The following CDH12 variants were observed in gnomAD, a reference collection of about 807,000 sequenced individuals.
CDH12 encodes cadherin-12.
CDH12 carries 41 observed loss-of-function variants against 74.1 expected under a neutral mutation model. The ratio of observed to expected loss-of-function variants is 0.55; its 90% confidence interval spans 0.43 to 0.72. The LOEUF (loss-of-function observed/expected upper bound fraction) is 0.72, where lower values mean the gene tolerates loss of function less well. Among genes scored for constraint, CDH12 ranks in the 30% least tolerant of loss-of-function variants. The probability of loss-of-function intolerance (pLI) is 0.00; values close to 1 mark genes in which losing one functional copy is unlikely to be tolerated. For missense variants in CDH12, 945 were observed against 977.2 expected, an observed-to-expected ratio of 0.97 and a Z score of 0.44; for synonymous variants, 399 against 355.0, an observed-to-expected ratio of 1.12 and a Z score of -1.39.
intron 6 of CDH12, among the ~76,000 whole-genome samples, chr5:21,887,366 CTATAACAAATTTAATAT>C (rs1297063106): frequency 1.3e-5 from 2 of 152,100 alleles, no homozygotes; most frequent in Non-Finnish European, 2.9e-5. Context: ...AATATCAAAG[CTATAACAAATTTAATAT>C]TATAAGAAAG....
chr5:21,989,858 C>A (rs2547640), intron 5 of CDH12, among the ~76,000 whole-genome samples: 13 of 149,558 alleles, frequency 8.7e-5, no homozygotes, highest in African/African-American at 2.7e-4. Flanking sequence ...GTTTTAGATA[C>A]TACTAATTCT....
chr5:22,845,145 G>A (rs1480308829), intron 1 of CDH12, among the ~76,000 whole-genome samples: 2 of 151,932 alleles, frequency 1.3e-5, no homozygotes, highest in African/African-American at 4.8e-5. Flanking sequence ...ATATTATTTT[G>A]CCTTAAGTTG....
At chr5:22,207,743 A>C (rs961917293) in intron 4 of CDH12, among the ~76,000 whole-genome samples, 9 of 152,186 alleles carry the variant, frequency 5.9e-5, no homozygotes, top group African/African-American at 1.9e-4. Flanking sequence ...CAGGACCCCC[A>C]AAAATAGTAT....
intron 3 of CDH12, among the ~76,000 whole-genome samples, chr5:22,385,295 T>A (rs1741951727): frequency 1.3e-5 from 2 of 152,202 alleles, no homozygotes; most frequent in Admixed American, 1.3e-4. Context: ...GACACAGATC[T>A]TTCTAAATAG....
intron 8 of CDH12, among the ~76,000 whole-genome samples, chr5:21,829,679 G>T (rs1748894786): frequency 6.6e-6 from 1 of 152,134 alleles, no homozygotes; most frequent in Non-Finnish European, 1.5e-5. Context: ...AATAAATGGT[G>T]ACTTTAGGAT....
At chr5:21,809,562 G>A (rs899991578) in intron 9 of CDH12, among the ~76,000 whole-genome samples, 2 of 152,004 alleles carry the variant, frequency 1.3e-5, no homozygotes, top group African/African-American at 4.8e-5. Context: ...TTCCTTCTTT[G>A]AGCTTCAGCT....
chr5:21,792,292 A>T (rs1561188719), intron 10 of CDH12, among the ~76,000 whole-genome samples: 1 of 151,900 alleles, frequency 6.6e-6, no homozygotes, highest in East Asian at 1.9e-4. Flanking sequence ...CTACTTTCCT[A>T]TCAATTTCTC....
rs569597056 is a variant in CDH12, at chr5:22,185,948, A to C, written c.-187+26550T>G. Among the ~76,000 whole-genome samples the C allele has an allele frequency of 2.6e-5, 4 of 152,332 alleles. No homozygotes were observed. In the South Asian group the frequency reaches 8.3e-4, roughly 32 times the overall value. ...GGACTTCATCATAACCAGTAGGAGAACCTGGTCAAATTAAGCACATTTGTG... is the reference window on the plus strand; with the variant it reads ...GGACTTCATCATAACCAGTAGGAGACCCTGGTCAAATTAAGCACATTTGTG... On this transcript the variant is annotated intron_variant, in intron 4 of 14. Transcript: ENST00000382254.
intron 1 of CDH12, among the ~76,000 whole-genome samples, chr5:22,641,128 G>A (rs1013218056): frequency 6.6e-6 from 1 of 152,096 alleles, no homozygotes; most frequent in African/African-American, 2.4e-5. Flanking sequence ...TGACTCACTT[G>A]ATTATGGAGG....
At chr5:22,488,936 C>A (rs763248402) in intron 2 of CDH12, among the ~76,000 whole-genome samples, 1 of 151,460 alleles carries the variant, frequency 6.6e-6, no homozygotes, top group Non-Finnish European at 1.5e-5. Flanking sequence ...TAATGATAGT[C>A]ATTTCTATGC....
intron 5 of CDH12, among the ~76,000 whole-genome samples, chr5:22,061,730 A>AT (rs1437425579): frequency 6.6e-6 from 1 of 152,174 alleles, no homozygotes; most frequent in Non-Finnish European, 1.5e-5. Flanking sequence ...TGACACATGC[A>AT]TGCACATATA....
rs532245639 is a variant in CDH12, at chr5:22,260,674, C to T, written c.-332-48031G>A. 1.2e-4 allele frequency among the ~76,000 whole-genome samples: 18 copies of T among 152,018 alleles called. No homozygotes were observed. In the South Asian group the frequency reaches 3.7e-3, roughly 31 times the overall value. The stretch of plus-strand genomic sequence containing the variant: ...TAAATTTTCGGAGATTAGATTTAAA[C>T]AAGATAGGTACCAATTGTCACCTTC... On this transcript the variant is annotated intron_variant, in intron 3 of 14. Transcript: ENST00000382254.
intron 1 of CDH12, among the ~76,000 whole-genome samples, chr5:22,523,151 A>G (rs1737125019): frequency 1.3e-5 from 2 of 152,070 alleles, no homozygotes; most frequent in Admixed American, 6.6e-5. Context: ...ACTCTTTCTT[A>G]GCTTTTCTTT....
chr5:22,230,136 GTAA>G (rs1350913884), intron 3 of CDH12, among the ~76,000 whole-genome samples: 1 of 152,058 alleles, frequency 6.6e-6, no homozygotes. Context: ...CAATTTGTTA[GTAA>G]GTGTATGCAA....
rs1207687601 is a variant in CDH12 at position 22,500,243 on chromosome 5, A to G, written c.-428+5027T>C. Among the ~76,000 whole-genome samples the G allele has an allele frequency of 2.0e-5, 3 of 152,166 alleles. No homozygotes were observed. The East Asian group carries it at 5.8e-4, about 29-fold the overall frequency. On this transcript the variant is annotated intron_variant, in intron 2 of 14. Transcript: ENST00000382254. ...AATCCAAAGACCTTTGATTAGGATA[A>G]TTTTTCAAATATAAACAATTAGTAA...
At chr5:22,806,294 A>T (rs1165807462) in intron 1 of CDH12, among the ~76,000 whole-genome samples, 2 of 149,724 alleles carry the variant, frequency 1.3e-5, no homozygotes, top group African/African-American at 4.9e-5. Flanking sequence ...AAGGGTTCCT[A>T]TTTCCCCACA....
intron 13 of CDH12, 46 bp from the exon 14 acceptor site, chr5:21,755,888 CT>C: frequency 6.3e-7 from 1 of 1,582,492 alleles, no homozygotes; most frequent in Non-Finnish European, 8.7e-7. Flanking sequence ...ATAAGCTTCA[CT>C]TCAAATCTTC....
intron 5 of CDH12, among the ~76,000 whole-genome samples, chr5:22,017,564 T>C (rs1263602325): frequency 6.6e-6 from 1 of 152,098 alleles, no homozygotes; most frequent in African/African-American, 2.4e-5. Flanking sequence ...CAAATTCTGG[T>C]GAATTTTGGA....
At chr5:21,951,312 G>A (rs1415837814) in intron 6 of CDH12, among the ~76,000 whole-genome samples, 10 of 152,098 alleles carry the variant, frequency 6.6e-5, no homozygotes, top group Non-Finnish European at 1.3e-4. Flanking sequence ...GCAGTGGTGC[G>A]GTCTCAGCTC....
Sources: gnomAD v4.1 joint callset for allele counts (sites outside exome capture counted in the v4.1 genomes callset) on GRCh38, gnomAD v4.1.1 for gene constraint, MANE v1.5 for transcripts, NCBI Gene and HGNC (gene_info 2026-07-23, HGNC 2026-07-21) for gene names.